ECSCR: variants seen among roughly 807,000 people sequenced by gnomAD.
The protein encoded by ECSCR is endothelial cell-specific chemotaxis regulator.
Under a neutral mutation model 16.7 loss-of-function variants are expected in ECSCR, and 12 were observed. The ratio of observed to expected loss-of-function variants is 0.72; its 90% confidence interval spans 0.46 to 1.17. The LOEUF (loss-of-function observed/expected upper bound fraction) is 1.17. ECSCR is among the 50% of genes most tolerant of loss of function. ECSCR has a pLI of 0.00. For missense variants in ECSCR, 122 were observed against 116.1 expected, an observed-to-expected ratio of 1.05 and a Z score of -0.23; for synonymous variants, 44 against 42.2, an observed-to-expected ratio of 1.04 and a Z score of -0.17.
intron 1 of ECSCR, 61 bp from the exon 2 acceptor site, chr5:139,458,244 A>G (rs1751205044): frequency 6.7e-6 from 10 of 1,496,878 alleles, no homozygotes; most frequent in Non-Finnish European, 9.1e-6. Context: ...GAGCCTAGAA[A>G]GGAACCCTTA....
chr5:139,457,332 C>T (rs1254233565), intron 4 of ECSCR, among the ~76,000 whole-genome samples: 3 of 152,164 alleles, frequency 2.0e-5, no homozygotes, highest in African/African-American at 7.2e-5. Context: ...CCCTGGCCCC[C>T]GAGTCTGAAG....
At position 139,457,570 on chromosome 5, in the gene ECSCR, G is replaced by T; in HGVS notation, c.192C>A (p.Ser64Arg). 1.3e-6 allele frequency: 1 copy of T among 799,026 alleles called. No individual in the cohort carries two copies. The highest frequency in any genetic ancestry group is 2.3e-6 in the Non-Finnish European group (1 of 434,662). 49.5% of individuals were successfully genotyped at this position (799,026 alleles called of 1,614,324 possible). A position where few individuals can be genotyped will look rare whatever the true frequency, so the allele number is the denominator to read the frequency against. The change falls in exon 4 of 10, where the codon AGC (serine) becomes AGA (arginine). Residue 64 changes from serine to arginine, a missense_variant. Coordinates refer to ENST00000618155, the MANE Select transcript of ECSCR (RefSeq NM_001077693.4). The stretch of plus-strand genomic sequence containing the variant: ...CTGGGGTACCAGTGCTGGACAGATG[G>T]CTTGGCCTGTTAGCCTCTGAGGAAG... ...YIPSSEANRP[S>R]HLSSTGTPGA... is the part of the protein sequence containing the mutation.
At chr5:139,460,459 G>A (rs906281187) in intron 1 of ECSCR, among the ~76,000 whole-genome samples, 4 of 152,136 alleles carry the variant, frequency 2.6e-5, no homozygotes, top group Non-Finnish European at 4.4e-5. Context: ...AATGCTGTAA[G>A]GTTATAACTT....
chr5:139,458,500 C>CAAAAAAAAAAAAAAAAAAAAAAA (rs397882364), intron 1 of ECSCR, among the ~76,000 whole-genome samples: 47 of 85,350 alleles, frequency 5.5e-4, no homozygotes, highest in African/African-American at 1.3e-3. Flanking sequence ...CCTATCTCAA[C>CAAAAAAAAAAAAAAAAAAAAAAA]AAAAAAAAAA....
chr5:139,457,253 C>A (rs1271799365), intron 4 of ECSCR, among the ~76,000 whole-genome samples: 1 of 152,186 alleles, frequency 6.6e-6, no homozygotes, highest in Non-Finnish European at 1.5e-5. Context: ...CTACTCTCTA[C>A]CCCACAGCCT....
chr5:139,454,346 G>T (rs1751110844), intron 8 of ECSCR, among the ~76,000 whole-genome samples: 1 of 146,934 alleles, frequency 6.8e-6, no homozygotes. Flanking sequence ...TGTGATGTAT[G>T]TAATGTGTGT....
At chr5:139,460,700 C>G (rs1751281124) in intron 1 of ECSCR, among the ~76,000 whole-genome samples, 1 of 152,070 alleles carries the variant, frequency 6.6e-6, no homozygotes, top group Non-Finnish European at 1.5e-5. Context: ...CCGAGGGTGT[C>G]TCTGACCACT....
intron 9 of ECSCR, 79 bp from the exon 10 acceptor site, chr5:139,448,987 T>G: frequency 6.5e-7 from 1 of 1,534,026 alleles, no homozygotes; most frequent in Non-Finnish European, 8.7e-7. Context: ...AAAGCCAGAG[T>G]CTTTGAAAGT....
chr5:139,455,175 G>A, intron 6 of ECSCR, 148 bp downstream of exon 6: 1 of 245,186 alleles, frequency 4.1e-6, no homozygotes, highest in Admixed American at 1.3e-4. Context: ...TGGAGGGCAG[G>A]GGCCCCCCTC....
intron 1 of ECSCR, 144 bp downstream of exon 1, chr5:139,462,466 A>G: frequency 1.2e-6 from 1 of 809,966 alleles, no homozygotes; most frequent in Non-Finnish European, 2.0e-6. Flanking sequence ...CCCCAATCCA[A>G]CTGATCTTCA....
At chr5:139,449,228 G>A in intron 8 of ECSCR, 54 bp from the exon 9 acceptor site, 1 of 1,324,544 alleles carries the variant, frequency 7.5e-7, no homozygotes, top group Non-Finnish European at 1.0e-6. Context: ...GGGCAATGGG[G>A]AGTCAAGGAA....
chr5:139,458,309 A>G lies in ECSCR; in HGVS notation c.62-126T>C, dbSNP rs1406542159. On this transcript the variant is annotated intron_variant, in intron 1 of 9. Coordinates refer to ENST00000618155, the MANE Select transcript of ECSCR (RefSeq NM_001077693.4). ...TAGCAAGACCCTGTCTCTAAAAAAA[A>G]ATTTTGTTTTGTTTTGTTTTTTTTT... The G allele has an allele frequency of 5.4e-6, 5 of 921,778 alleles. No individual in the cohort carries two copies. The East Asian group carries it at 1.3e-4, about 24-fold the overall frequency. 57.1% of individuals were successfully genotyped at this position (921,778 alleles called of 1,614,324 possible). A position where few individuals can be genotyped will look rare whatever the true frequency, so the allele number is the denominator to read the frequency against.
chr5:139,449,621 G>A (rs1478917184), intron 8 of ECSCR, among the ~76,000 whole-genome samples: 2 of 152,102 alleles, frequency 1.3e-5, no homozygotes, highest in African/African-American at 4.8e-5. Flanking sequence ...TTACAGGTGT[G>A]AGCCACTGCA....
Position 139,456,993 on chromosome 5 carries a change from C to T in ECSCR, c.218-475G>A, listed in dbSNP as rs1174359292. On this transcript the variant is annotated intron_variant, in intron 4 of 9. Coordinates refer to ENST00000618155, the MANE Select transcript of ECSCR (RefSeq NM_001077693.4). ...GCCCATCCACGGTGCCTGCCCTCGG[C>T]ATCACGGGTTTACTGGCTGCCATGG... 2.0e-5 allele frequency among the ~76,000 whole-genome samples: 3 copies of T among 152,350 alleles called. No homozygotes were observed. In the East Asian group the frequency reaches 5.8e-4, roughly 29 times the overall value.
intron 1 of ECSCR, among the ~76,000 whole-genome samples, chr5:139,459,106 T>C (rs536678118): frequency 1.3e-5 from 2 of 152,166 alleles, no homozygotes; most frequent in African/African-American, 4.8e-5. Context: ...TATTTTAAAC[T>C]AGTGACATTT....
intron 8 of ECSCR, among the ~76,000 whole-genome samples, chr5:139,451,109 G>T (rs1158519073): frequency 6.6e-6 from 1 of 151,384 alleles, no homozygotes; most frequent in Non-Finnish European, 1.5e-5. Flanking sequence ...GGTGTGAGGG[G>T]TGTATATGTG....
rs1171728332 is a variant in ECSCR at position 139,458,153 on chromosome 5, G to A, written c.92C>T (p.Thr31Ile). 6.5e-7 allele frequency: 1 copy of A among 1,549,744 alleles called. No homozygotes were observed. Among genetic ancestry groups the A allele is most frequent in the South Asian group, 1.2e-5 (1 of 83,972 alleles). The change falls in exon 2 of 10, where the codon ACC becomes ATC. Residue 31 changes from threonine (T) to isoleucine (I), a missense_variant. Physicochemically the swap from Thr to Ile is moderately conservative, Grantham distance 89. Coordinates refer to ENST00000618155, the MANE Select transcript of ECSCR (RefSeq NM_001077693.4). ...TTTGGTCTTACCCTGAGAGCTAGAGGTCTGGGTCATTGTGGGCTGGGAGTT... is the reference window on the plus strand; with the variant it reads ...TTTGGTCTTACCCTGAGAGCTAGAGATCTGGGTCATTGTGGGCTGGGAGTT... ...GHNSQPTMTQ[T>I]SSSQGGLGGL... is the part of the protein sequence containing the mutation.
chr5:139,462,713 C>A lies in ECSCR; in HGVS notation c.-43G>T. 1 of 1,469,968 alleles carries A rather than the reference C, an allele frequency of 6.8e-7. No homozygotes were observed. Among genetic ancestry groups the A allele is most frequent in the East Asian group, 2.6e-5 (1 of 38,050 alleles). The allele number at this position is 1,469,968 out of a possible 1,614,324, so 91.1% of individuals were successfully genotyped here. On this transcript the variant is annotated 5_prime_UTR_variant, in exon 1 of 10. Transcript: ENST00000618155. ...CGGGCAGGCAGCAGCTCAGTGGAGG[C>A]TCTGTCCATAGTGGAGAAGAGAGAG...
chr5:139,459,044 C>T (rs1434254473), intron 1 of ECSCR, among the ~76,000 whole-genome samples: 1 of 152,098 alleles, frequency 6.6e-6, no homozygotes, highest in African/African-American at 2.4e-5. Flanking sequence ...TTCCCTGTCT[C>T]TTCAATCTGA....
Sources: allele counts gnomAD v4.1 joint callset (sites outside exome capture counted in the v4.1 genomes callset), GRCh38; gene constraint gnomAD v4.1.1; transcripts MANE v1.5; gene names NCBI Gene and HGNC (gene_info 2026-07-23, HGNC 2026-07-21).